SEC31B: variants seen among roughly 807,000 people sequenced by gnomAD.
The protein encoded by SEC31B is protein transport protein Sec31B.
In SEC31B, 113 loss-of-function variants were observed where a neutral mutation model predicts 135.0. That is an observed-to-expected ratio of 0.84 (90% CI 0.72 to 0.98). SEC31B has a LOEUF of 0.98. Ranked by LOEUF, SEC31B falls within the 50% of genes least tolerant of loss-of-function variation. The probability of loss-of-function intolerance (pLI) is 0.00; values close to 1 mark genes in which losing one functional copy is unlikely to be tolerated. For synonymous variants in SEC31B, 508 were observed against 549.4 expected (o/e 0.92, Z 1.05); for missense variants, 1,296 against 1,421.1 (o/e 0.91, Z 1.42).
At chr10:100,493,187 C>T (rs1316459542) in intron 19 of SEC31B, among the ~76,000 whole-genome samples, 1 of 152,088 alleles carries the variant, frequency 6.6e-6, no homozygotes, top group Non-Finnish European at 1.5e-5. Flanking sequence ...TCCTGGCTAA[C>T]ATGGTGAAAC....
chr10:100,508,380 AAAAC>A (rs1851672628), intron 5 of SEC31B: 1 of 512,928 alleles, frequency 1.9e-6, no homozygotes, highest in African/African-American at 1.9e-5. Flanking sequence ...GGGAGGGAGG[AAAAC>A]AGATACCCAA....
At chr10:100,501,004 C>T (rs985910030) in intron 11 of SEC31B, among the ~76,000 whole-genome samples, 8 of 150,074 alleles carry the variant, frequency 5.3e-5, no homozygotes, top group East Asian at 2.0e-4. Flanking sequence ...TTCAGGAGTT[C>T]GAGACTAGCC....
At chr10:100,519,463 C>A (rs1391304073) in intron 1 of SEC31B, among the ~76,000 whole-genome samples, 1 of 152,244 alleles carries the variant, frequency 6.6e-6, no homozygotes, top group African/African-American at 2.4e-5. Context: ...CCCGCCCAGC[C>A]CAAACGCAGC....
intron 9 of SEC31B, 61 bp from the exon 10 acceptor site, chr10:100,505,556 C>G: frequency 6.7e-7 from 1 of 1,500,748 alleles, no homozygotes; most frequent in Non-Finnish European, 8.8e-7. Context: ...GGAACTCCAC[C>G]TACAAACTCC....
chr10:100,508,323 G>C, intron 5 of SEC31B: 1 of 548,202 alleles, frequency 1.8e-6, no homozygotes, highest in Non-Finnish European at 3.3e-6. Flanking sequence ...TTAAAAAACA[G>C]CCCTCTTGTC....
intron 7 of SEC31B, 157 bp from the exon 8 acceptor site, chr10:100,506,577 T>C: frequency 1.5e-6 from 1 of 679,404 alleles, no homozygotes; most frequent in Non-Finnish European, 2.4e-6. Flanking sequence ...TAAAATGAGG[T>C]TTTGAAAAAT....
At chr10:100,497,497 T>C (rs577552880) in intron 16 of SEC31B, 170 bp downstream of exon 16, 82 of 1,485,480 alleles carry the variant, frequency 5.5e-5, no homozygotes, top group Admixed American at 3.5e-4. Flanking sequence ...CCTCTGAAAA[T>C]AGGGGCATGC....
chr10:100,496,564 C>A, intron 17 of SEC31B, 133 bp from the exon 18 acceptor site: 1 of 854,734 alleles, frequency 1.2e-6, no homozygotes, highest in Non-Finnish European at 1.8e-6. Flanking sequence ...GTGAAGGCAG[C>A]AGATGATGAC....
intron 10 of SEC31B, among the ~76,000 whole-genome samples, chr10:100,504,797 C>T (rs1037494416): frequency 2.6e-5 from 4 of 151,542 alleles, no homozygotes; most frequent in Non-Finnish European, 5.9e-5. Context: ...ATTCAATGGG[C>T]CCAGGAGAGA....
At chr10:100,505,319 C>A (rs1851606967) in intron 10 of SEC31B, 42 bp downstream of exon 10, 1 of 1,603,466 alleles carries the variant, frequency 6.2e-7, no homozygotes, top group Non-Finnish European at 8.5e-7. Context: ...CACACACACA[C>A]ACACACAAAC....
chr10:100,506,839 C>A (rs1851641745), intron 7 of SEC31B, among the ~76,000 whole-genome samples: 1 of 152,188 alleles, frequency 6.6e-6, no homozygotes. Flanking sequence ...GTGGCTCATG[C>A]TTGTAATCCC....
intron 4 of SEC31B, 100 bp downstream of exon 4, chr10:100,509,216 A>G (rs1851691879): frequency 6.7e-7 from 1 of 1,492,310 alleles, no homozygotes; most frequent in Non-Finnish European, 9.3e-7. Flanking sequence ...AACAGCCTGG[A>G]AAGGGGTCAG....
In SEC31B at chr10:100,516,104, G is replaced by A; in HGVS notation, c.195C>T (p.Ala65=). 6.2e-7 allele frequency: 1 copy of A among 1,614,076 alleles called. No homozygotes were observed. Among genetic ancestry groups the A allele is most frequent in the Non-Finnish European group, 8.5e-7 (1 of 1,179,996 alleles). ...AATAGATCAGACAATACCTGCTCAA[G>A]GCAGAAAGGACTCCTCTGTGTTTCA... The part of the protein sequence containing the change: ...LDLKHRGVLS[A]LSRFHKLVWG... The change falls in exon 3 of 26, where the codon GCC becomes GCT. Residue 65 remains alanine, a synonymous_variant. Transcript: ENST00000370345.
At chr10:100,508,750 T>C in intron 5 of SEC31B, 1 of 536,478 alleles carries the variant, frequency 1.9e-6, no homozygotes, top group Non-Finnish European at 3.3e-6. Context: ...TGTCTTTTGC[T>C]CTCCCCAACT....
Position 100,486,949 on chromosome 10 carries a change from C to T in SEC31B, c.*667G>A, listed in dbSNP as rs1443127402. 2.0e-5 allele frequency: 3 copies of T among 152,602 alleles called. No homozygotes were observed. The East Asian group carries it at 5.8e-4, about 29-fold the overall frequency. 9.5% of individuals were successfully genotyped at this position (152,602 alleles called of 1,614,324 possible). On this transcript the variant is annotated 3_prime_UTR_variant, in exon 26 of 26. Transcript: ENST00000370345. ...GCTCCTGTCTCACAGCCTAAGACAG[C>T]TTCCAGCAAAAGGCAGTTCATCCCT...
Position 100,507,464 on chromosome 10 carries a change from A to G in SEC31B, c.743T>C (p.Phe248Ser). Residue 248 changes from phenylalanine to serine, a missense_variant, in exon 7 of 26, where the codon TTT becomes TCT. Coordinates refer to ENST00000370345, the MANE Select transcript of SEC31B (RefSeq NM_015490.4). ...LPVIQLWDLRFASSPLKVLES... is the reference protein window; with the variant it reads ...LPVIQLWDLRSASSPLKVLES... ...CAGCACCTTCAAGGGCGAGGAGGCA[A>G]AGCGCAAGTCCCACAGCTGAATCAC... is the stretch of plus-strand genomic sequence containing the variant. 1 of 1,614,206 alleles carries G rather than the reference A, an allele frequency of 6.2e-7. No homozygotes were observed.
intron 3 of SEC31B, among the ~76,000 whole-genome samples, chr10:100,515,655 C>T (rs1851821158): frequency 1.3e-5 from 2 of 152,126 alleles, no homozygotes; most frequent in African/African-American, 4.8e-5. Flanking sequence ...TAGTATCTAG[C>T]GCTGGAAGCC....
At chr10:100,502,807 T>C (rs1476292997) in intron 10 of SEC31B, among the ~76,000 whole-genome samples, 2 of 152,282 alleles carry the variant, frequency 1.3e-5, no homozygotes, top group East Asian at 1.9e-4. Context: ...ATACCCCCTA[T>C]AGCCAAGCAA....
rs372628404 is a variant in SEC31B, at chr10:100,516,211, C to A, written c.88G>T (p.Ala30Ser). 35 of 1,613,426 alleles carry A rather than the reference C, an allele frequency of 2.2e-5. No homozygotes were observed. The African/African-American group carries it at 4.4e-4, about 20-fold the overall frequency. ...CTGAAGGAGGAATCTAGCTGTTGGG[C>A]AGATGTTCCTAGGCACAAGAAAAGG... ...YPLYLATGTS[A>S]QQLDSSFSTN... Residue 30 changes from alanine (A) to serine (S), a missense_variant, in exon 3 of 26, where the codon GCC (alanine) becomes TCC (serine). Ala to Ser is a moderately conservative substitution (Grantham distance 99). Coordinates refer to ENST00000370345, the MANE Select transcript of SEC31B (RefSeq NM_015490.4).
Sources: gnomAD v4.1 joint callset for allele counts (sites outside exome capture counted in the v4.1 genomes callset) on GRCh38, gnomAD v4.1.1 for gene constraint, MANE v1.5 for transcripts, NCBI Gene and HGNC (gene_info 2026-07-23, HGNC 2026-07-21) for gene names.